The following ZNF79 variants were observed in gnomAD, a reference collection of about 807,000 sequenced individuals.
The protein encoded by ZNF79 is ZNFpT7.
Under a neutral mutation model 14.9 loss-of-function variants are expected in ZNF79, and 13 were observed. That is an observed-to-expected ratio of 0.87 (90% CI 0.57 to 1.38). The LOEUF is 1.38. ZNF79 is among the 40% of genes most tolerant of loss of function. ZNF79 has a pLI of 0.00. For missense variants in ZNF79, 631 were observed against 630.6 expected (o/e 1.00, Z -0.01); for synonymous variants, 223 against 235.1 (o/e 0.95, Z 0.47).
intron 4 of ZNF79, among the ~76,000 whole-genome samples, chr9:127,437,079 A>AG (rs1258519317): frequency 3.3e-5 from 5 of 151,384 alleles, no homozygotes; most frequent in Non-Finnish European, 4.4e-5. Flanking sequence ...AAAAAAAAAA[A>AG]AAGAAGATGC....
At chr9:127,436,109 T>C (rs1833944154) in intron 4 of ZNF79, 106 bp downstream of exon 4, 2 of 911,424 alleles carry the variant, frequency 2.2e-6, no homozygotes, top group Non-Finnish European at 3.5e-6. Flanking sequence ...TAGGCGCTAT[T>C]ACCCCCATTC....
chr9:127,434,900 C>T (rs1833918848), intron 2 of ZNF79, among the ~76,000 whole-genome samples, 190 bp from the exon 3 acceptor site: 1 of 152,214 alleles, frequency 6.6e-6, no homozygotes, highest in Non-Finnish European at 1.5e-5. Context: ...CCGCCTGCCT[C>T]ACCTCTTGGC....
chr9:127,430,749 C>T (rs931015505), intron 2 of ZNF79, among the ~76,000 whole-genome samples: 3 of 152,188 alleles, frequency 2.0e-5, no homozygotes, highest in Non-Finnish European at 4.4e-5. Flanking sequence ...CGCATGCATG[C>T]GTCTTTTGGT....
chr9:127,425,005 G>A, intron 1 of ZNF79: 1 of 1,400,230 alleles, frequency 7.1e-7, no homozygotes, highest in Non-Finnish European at 9.4e-7. Flanking sequence ...TTTGAGTAAA[G>A]AATTCGGGGG....
chr9:127,430,770 C>A (rs755211082), intron 2 of ZNF79, among the ~76,000 whole-genome samples: 2 of 152,182 alleles, frequency 1.3e-5, no homozygotes, highest in Non-Finnish European at 2.9e-5. Context: ...AGAATGATTT[C>A]TTTTCCTTTG....
intron 4 of ZNF79, 135 bp from the exon 5 acceptor site, chr9:127,443,893 TC>T (rs2131964548): frequency 1.3e-6 from 1 of 748,440 alleles, no homozygotes. Context: ...AGAGCGAGAC[TC>T]CGTCTCAAAA....
intron 2 of ZNF79, among the ~76,000 whole-genome samples, chr9:127,432,136 C>T (rs1212798904): frequency 2.0e-5 from 3 of 150,798 alleles, no homozygotes; most frequent in Non-Finnish European, 2.9e-5. Context: ...CTGCTTTCCT[C>T]AGGTTTATTT....
intron 2 of ZNF79, among the ~76,000 whole-genome samples, chr9:127,432,626 C>T (rs1382226063): frequency 1.3e-5 from 2 of 150,908 alleles, no homozygotes; most frequent in Admixed American, 6.6e-5. Flanking sequence ...GTTTGTGTCT[C>T]TTGTCAACAA....
At position 127,444,173 on chromosome 9, in the gene ZNF79, C is replaced by G. The variant is rs1397308410; in HGVS notation, c.473C>G (p.Ser158Cys). 6.8e-6 allele frequency: 11 copies of G among 1,613,924 alleles called. No homozygotes were observed. The highest frequency in any genetic ancestry group is 5.0e-5 in the Admixed American group (3 of 59,988). ...EKSFNLRPVL[S>C]PQQRVPVEAR... is the part of the protein sequence containing the mutation. ...AGCTTCAATCTGAGACCAGTCCTCT[C>G]TCCGCAACAGAGAGTGCCCGTGGAA... The change falls in exon 5 of 5, where the codon TCT becomes TGT. Residue 158 changes from serine to cysteine, a missense_variant. Transcript: ENST00000342483.
At position 127,429,487 on chromosome 9, in the gene ZNF79, ATT is replaced by A. The variant is rs10718320; in HGVS notation, c.105+583_105+584del. Among the ~76,000 whole-genome samples the A allele has an allele frequency of 5.7e-3, 800 of 140,882 alleles. 1 individual carries two copies. The highest frequency in any genetic ancestry group is 9.6e-3 in the Admixed American group (136 of 14,172). The allele number at this position is 140,882 out of a possible 152,430, so 92.4% of individuals were successfully genotyped here. ...AGGCTCGTGCCACCATGCCTAGCTA[ATT>A]TTTTTTTTTTTTTTTAACTTTTGTA... On this transcript the variant is annotated intron_variant, in intron 2 of 4. Transcript: ENST00000342483.
At position 127,445,049 on chromosome 9, in the gene ZNF79, G is replaced by C. The variant is rs774908538; in HGVS notation, c.1349G>C (p.Cys450Ser). 1 of 1,614,110 alleles carries C rather than the reference G, an allele frequency of 6.2e-7. No homozygotes were observed. The highest frequency in any genetic ancestry group is 8.5e-7 in the Non-Finnish European group (1 of 1,180,028). Residue 450 changes from cysteine to serine, a missense_variant, in exon 5 of 5, where the codon TGT (cysteine) becomes TCT (serine). Coordinates refer to ENST00000342483, the MANE Select transcript of ZNF79 (RefSeq NM_007135.3). Reference protein sequence around the residue: ...TGEKPYECNECGKAFNQSSSL... With the variant: ...TGEKPYECNESGKAFNQSSSL... ...GAAAAACCTTATGAGTGTAATGAGTGTGGTAAAGCGTTTAACCAGAGCTCA... is the reference window on the plus strand; with the variant it reads ...GAAAAACCTTATGAGTGTAATGAGTCTGGTAAAGCGTTTAACCAGAGCTCA...
intron 4 of ZNF79, among the ~76,000 whole-genome samples, chr9:127,442,082 A>G (rs111719880): frequency 0.021 from 3,128 of 151,802 alleles, 125 homozygotes; most frequent in African/African-American, 0.071. Context: ...ACACTATTGC[A>G]CTCCAGCCTG....
chr9:127,440,577 A>G (rs1321283060), intron 4 of ZNF79, among the ~76,000 whole-genome samples: 1 of 152,136 alleles, frequency 6.6e-6, no homozygotes, highest in Non-Finnish European at 1.5e-5. Flanking sequence ...GATGCAGGGA[A>G]GGGATGAGAT....
In ZNF79 at chr9:127,445,231, A is replaced by C; in HGVS notation, c.*34A>C. The C allele has an allele frequency of 6.2e-7, 1 of 1,601,616 alleles. No homozygotes were observed. The highest frequency in any genetic ancestry group is 1.1e-5 in the South Asian group (1 of 89,836). ...ATGGTAGAAGTGGAGAGAGTCCCGGACATGCCGACTCAGGACAGGTGGGTG... is the reference window on the plus strand; with the variant it reads ...ATGGTAGAAGTGGAGAGAGTCCCGGCCATGCCGACTCAGGACAGGTGGGTG... On this transcript the variant is annotated 3_prime_UTR_variant, in exon 5 of 5. Transcript: ENST00000342483.
chr9:127,428,918 C>G lies in ZNF79; in HGVS notation c.103C>G (p.Arg35Gly). ...MAAGLLTAGPRGSTFFSSVTV... is the reference protein window; with the variant it reads ...MAAGLLTAGPGGSTFFSSVTV... Reference sequence around the variant, plus strand: ...TGCTGGTCTCCTCACAGCTGGGCCCCGGGTAAGTTGGAAATTAACTTTGGA... The same window carrying G: ...TGCTGGTCTCCTCACAGCTGGGCCCGGGGTAAGTTGGAAATTAACTTTGGA... The change falls in exon 2 of 5, where the codon CGG becomes GGG. Residue 35 changes from arginine to glycine, a missense_variant and splice_region_variant. Transcript: ENST00000342483. The G allele has an allele frequency of 1.3e-6, 2 of 1,574,756 alleles. No individual in the cohort carries two copies. Among genetic ancestry groups the G allele is most frequent in the Non-Finnish European group, 1.7e-6 (2 of 1,159,606 alleles).
intron 2 of ZNF79, among the ~76,000 whole-genome samples, chr9:127,430,225 T>C (rs1418267128): frequency 2.0e-5 from 3 of 152,258 alleles, no homozygotes; most frequent in Non-Finnish European, 1.5e-5. Context: ...CACTGCATAT[T>C]CTACCAAATC....
chr9:127,440,089 C>G (rs963565364), intron 4 of ZNF79, among the ~76,000 whole-genome samples: 5 of 152,168 alleles, frequency 3.3e-5, no homozygotes, highest in African/African-American at 1.2e-4. Flanking sequence ...GTCTCGATCT[C>G]CTGACCTCGT....
chr9:127,444,895 A>G lies in ZNF79; in HGVS notation c.1195A>G (p.Ser399Gly). Residue 399 changes from serine (S) to glycine (G), a missense_variant, in exon 5 of 5, where the codon AGC (serine) becomes GGC (glycine). Coordinates refer to ENST00000342483, the MANE Select transcript of ZNF79 (RefSeq NM_007135.3). ...GTGCAGCGAGTGTGGGAAGGCCTTCAGCCAGAGTACCAATCTCATAATCCA... is the reference window on the plus strand; with the variant it reads ...GTGCAGCGAGTGTGGGAAGGCCTTCGGCCAGAGTACCAATCTCATAATCCA... ...YKCSECGKAF[S>G]QSTNLIIHQK... is the part of the protein sequence containing the mutation. The G allele has an allele frequency of 6.2e-7, 1 of 1,610,932 alleles. No homozygotes were observed. Among genetic ancestry groups the G allele is most frequent in the African/African-American group, 1.4e-5 (1 of 73,804 alleles).
At position 127,424,398 on chromosome 9, in the gene ZNF79, C is replaced by T; in HGVS notation, c.-390C>T. On this transcript the variant is annotated 5_prime_UTR_variant, in exon 1 of 5. Coordinates refer to ENST00000342483, the MANE Select transcript of ZNF79 (RefSeq NM_007135.3). ...AGTGGCGCCAATCAGGCGCGTCCCT[C>T]TGGCGCTGGAGCCAGGACCTGGCGT... 4.9e-6 allele frequency: 1 copy of T among 202,104 alleles called. No homozygotes were observed. The highest frequency in any genetic ancestry group is 1.0e-5 in the Non-Finnish European group (1 of 97,390). 12.5% of individuals were successfully genotyped at this position (202,104 alleles called of 1,614,324 possible).
Sources: gnomAD v4.1 joint callset for allele counts (sites outside exome capture counted in the v4.1 genomes callset) on GRCh38, gnomAD v4.1.1 for gene constraint, MANE v1.5 for transcripts, NCBI Gene and HGNC (gene_info 2026-07-23, HGNC 2026-07-21) for gene names.